Variants in ZNF385B observed in about 807,000 individuals in gnomAD.
The protein encoded by ZNF385B is zinc finger protein 533.
A neutral mutation model predicts 39.2 loss-of-function variants in ZNF385B; 23 were observed. The observed-to-expected ratio is 0.59, with a 90% confidence interval of 0.42 to 0.83. ZNF385B has a LOEUF of 0.83. Ranked by LOEUF, ZNF385B falls within the 40% of genes least tolerant of loss-of-function variation. ZNF385B has a pLI of 0.00. For synonymous variants in ZNF385B, 205 were observed against 222.6 expected (o/e 0.92, Z 0.70); for missense variants, 552 against 598.9 (o/e 0.92, Z 0.82).
At chr2:179,683,896 T>C (rs1259477769) in intron 3 of ZNF385B, among the ~76,000 whole-genome samples, 3 of 152,224 alleles carry the variant, frequency 2.0e-5, no homozygotes, top group Non-Finnish European at 4.4e-5. Context: ...GAACAAACTG[T>C]GCTAAGGGCT....
chr2:179,746,463 G>A (rs573492833), intron 3 of ZNF385B, among the ~76,000 whole-genome samples: 1 of 152,192 alleles, frequency 6.6e-6, no homozygotes, highest in East Asian at 1.9e-4. Context: ...TAACTCCTAA[G>A]TGCCCATCTC....
At chr2:179,472,468 A>G (rs1344337354) in intron 6 of ZNF385B, among the ~76,000 whole-genome samples, 2 of 152,230 alleles carry the variant, frequency 1.3e-5, no homozygotes, top group Admixed American at 1.3e-4. Flanking sequence ...ATGGGCAAAA[A>G]TCATAAGACA....
chr2:179,590,547 A>T (rs1223732595), intron 3 of ZNF385B, among the ~76,000 whole-genome samples: 1 of 152,198 alleles, frequency 6.6e-6, no homozygotes. Context: ...TTAATGCTAC[A>T]CAAATATCAT....
chr2:179,576,577 A>G (rs1266624504), intron 3 of ZNF385B, among the ~76,000 whole-genome samples: 3 of 152,182 alleles, frequency 2.0e-5, no homozygotes, highest in Admixed American at 2.0e-4. Flanking sequence ...TGTAATACCT[A>G]TATTCCACAT....
At chr2:179,767,239 T>C (rs1703755670) in intron 3 of ZNF385B, among the ~76,000 whole-genome samples, 1 of 152,126 alleles carries the variant, frequency 6.6e-6, no homozygotes, top group Non-Finnish European at 1.5e-5. Context: ...GTTAAGACGA[T>C]GTATGTCCCA....
At chr2:179,646,107 A>C (rs1364891725) in intron 3 of ZNF385B, among the ~76,000 whole-genome samples, 1 of 152,156 alleles carries the variant, frequency 6.6e-6, no homozygotes, top group African/African-American at 2.4e-5. Context: ...CAATGCTGCC[A>C]GAGTGATCTT....
intron 1 of ZNF385B, among the ~76,000 whole-genome samples, chr2:179,847,789 C>T (rs1708873839): frequency 6.6e-6 from 1 of 152,166 alleles, no homozygotes; most frequent in South Asian, 2.1e-4. Flanking sequence ...CCTTCTCTGA[C>T]CCCTCAGAGG....
At chr2:179,620,983 T>C (rs1026231878) in intron 3 of ZNF385B, among the ~76,000 whole-genome samples, 3 of 152,128 alleles carry the variant, frequency 2.0e-5, no homozygotes, top group African/African-American at 7.2e-5. Flanking sequence ...CACAGTGTCT[T>C]AGGCAAAGGA....
At chr2:179,729,901 C>G (rs1701278790) in intron 3 of ZNF385B, among the ~76,000 whole-genome samples, 1 of 152,258 alleles carries the variant, frequency 6.6e-6, no homozygotes, top group Non-Finnish European at 1.5e-5. Flanking sequence ...TATCTGCTTC[C>G]CCTTCCGCCA....
intron 3 of ZNF385B, among the ~76,000 whole-genome samples, chr2:179,767,942 TA>T: frequency 6.7e-6 from 1 of 148,294 alleles, no homozygotes; most frequent in Admixed American, 6.8e-5. Flanking sequence ...TAATATTATA[TA>T]TTTTATATAT....
intron 5 of ZNF385B, among the ~76,000 whole-genome samples, chr2:179,492,867 C>T (rs34504550): frequency 0.037 from 5,626 of 152,100 alleles, 136 homozygotes; most frequent in Non-Finnish European, 0.054. Flanking sequence ...CTTTAGTAGT[C>T]GCTTAGCCCA....
intron 3 of ZNF385B, among the ~76,000 whole-genome samples, chr2:179,602,981 A>T (rs1012989278): frequency 1.3e-5 from 2 of 152,228 alleles, no homozygotes; most frequent in African/African-American, 2.4e-5. Flanking sequence ...ACCTCTAAAG[A>T]TCAATATAAT....
At chr2:179,771,186 T>G (rs964582556) in intron 1 of ZNF385B, among the ~76,000 whole-genome samples, 1 of 152,136 alleles carries the variant, frequency 6.6e-6, no homozygotes, top group East Asian at 1.9e-4. Context: ...TGCAAGGTAT[T>G]GGCTTTCAAC....
At chr2:179,817,781 ATG>A (rs1421050914) in intron 1 of ZNF385B, among the ~76,000 whole-genome samples, 3 of 151,854 alleles carry the variant, frequency 2.0e-5, no homozygotes, top group Admixed American at 6.6e-5. Flanking sequence ...GAGCATGTGC[ATG>A]TGTGTCTGTG....
chr2:179,539,389 T>A (rs1156838618), intron 4 of ZNF385B, among the ~76,000 whole-genome samples: 1 of 152,220 alleles, frequency 6.6e-6, no homozygotes, highest in Non-Finnish European at 1.5e-5. Context: ...GGGTTATGAC[T>A]TCAACATATG....
intron 3 of ZNF385B, among the ~76,000 whole-genome samples, chr2:179,664,064 T>A (rs986690330): frequency 1.4e-4 from 22 of 151,750 alleles, no homozygotes; most frequent in African/African-American, 5.1e-4. Flanking sequence ...AAAAATATTT[T>A]TTTTTTTTCA....
At chr2:179,687,376 G>T (rs1308178955) in intron 3 of ZNF385B, among the ~76,000 whole-genome samples, 2 of 151,998 alleles carry the variant, frequency 1.3e-5, no homozygotes, top group Non-Finnish European at 2.9e-5. Context: ...AGACTCATCT[G>T]CTATTTCTGA....
chr2:179,762,136 G>T (rs1703434177), intron 3 of ZNF385B, among the ~76,000 whole-genome samples: 1 of 151,986 alleles, frequency 6.6e-6, no homozygotes, highest in Non-Finnish European at 1.5e-5. Flanking sequence ...TGCATTAATG[G>T]ATGTGATCAT....
intron 5 of ZNF385B, among the ~76,000 whole-genome samples, chr2:179,496,298 C>G (rs904656052): frequency 2.6e-5 from 4 of 151,334 alleles, no homozygotes; most frequent in Non-Finnish European, 2.9e-5. Context: ...GAGGAGACAA[C>G]AGAAAAAAGA....
Sources: gnomAD v4.1 joint callset for allele counts (sites outside exome capture counted in the v4.1 genomes callset) on GRCh38, gnomAD v4.1.1 for gene constraint, MANE v1.5 for transcripts, NCBI Gene and HGNC (gene_info 2026-07-23, HGNC 2026-07-21) for gene names.